Variants in TEX10 observed in about 807,000 individuals in gnomAD.
TEX10 encodes the protein testis-expressed protein 10.
In TEX10, 24 loss-of-function variants were observed where a neutral mutation model predicts 104.4. The ratio of observed to expected loss-of-function variants is 0.23; its 90% CI spans 0.17 to 0.32. TEX10 has a LOEUF of 0.32. Among genes scored for constraint, TEX10 ranks in the 10% least tolerant of loss-of-function variants. TEX10 has a pLI of 1.00. For missense variants in TEX10, 921 were observed against 1,083.9 expected, an observed-to-expected ratio of 0.85 and a Z score of 2.11; for synonymous variants, 396 against 393.4, an observed-to-expected ratio of 1.01 and a Z score of -0.08.
chr9:100,330,794 G>A (rs943058937), intron 5 of TEX10, among the ~76,000 whole-genome samples: 1 of 152,216 alleles, frequency 6.6e-6, no homozygotes, highest in African/African-American at 2.4e-5. Flanking sequence ...ATATTCAACA[G>A]CAGAGCTTAT....
At chr9:100,352,750 C>CCGACGGG (rs1301491359) in intron 1 of TEX10, 22 bp downstream of exon 1, 1 of 1,164,320 alleles carries the variant, frequency 8.6e-7, no homozygotes, top group Non-Finnish European at 1.1e-6. Context: ...AGGACCCGGC[C>CCGACGGG]CGACGGGCGA....
intron 11 of TEX10, among the ~76,000 whole-genome samples, chr9:100,319,542 C>T (rs1834511163): frequency 6.6e-6 from 1 of 152,104 alleles, no homozygotes. Flanking sequence ...TGGTGGCTCA[C>T]GCCTGTAATC....
At position 100,310,358 on chromosome 9, in the gene TEX10, C is replaced by T; in HGVS notation, c.2224G>A (p.Val742Ile). The T allele has an allele frequency of 6.2e-7, 1 of 1,613,962 alleles. No individual in the cohort carries two copies. Among genetic ancestry groups the T allele is most frequent in the Non-Finnish European group, 8.5e-7 (1 of 1,179,966 alleles). Residue 742 changes from valine to isoleucine, a missense_variant, in exon 12 of 15, where the codon GTT becomes ATT. By Grantham distance (29) the Val-to-Ile change is conservative. This residue lies in a region of TEX10 where 753 missense variants were observed against 868.4 expected (regional missense o/e 0.87). Transcript: ENST00000374902. Reference sequence around the variant, plus strand: ...AAGTTCTGACTTCGGGCAGGAATAACCAATAAACTGTGAAAAACTGCCTGT... The same window carrying T: ...AAGTTCTGACTTCGGGCAGGAATAATCAATAAACTGTGAAAAACTGCCTGT... ...VTEAVFHSLL[V>I]IPARSQNFDI...
intron 5 of TEX10, among the ~76,000 whole-genome samples, chr9:100,339,807 T>C (rs1835126965): frequency 6.6e-6 from 1 of 152,026 alleles, no homozygotes; most frequent in Non-Finnish European, 1.5e-5. Flanking sequence ...TTCTAATCAA[T>C]TACCTTTTAT....
At chr9:100,321,829 AAG>A in intron 9 of TEX10, 58 bp from the exon 10 acceptor site, 5 of 1,293,118 alleles carry the variant, frequency 3.9e-6, no homozygotes, top group Non-Finnish European at 4.5e-6. Flanking sequence ...AGACTTGTCA[AAG>A]GTAGCACAGT....
rs1436829457 is a variant in TEX10, at chr9:100,340,346, G to A, written c.1161C>T (p.Tyr387=). Residue 387 remains tyrosine, a synonymous_variant, in exon 5 of 15, where the codon TAC becomes TAT. Transcript: ENST00000374902. ...TAAAATGGTGTTTAAAATCAATAAG[G>A]TAGTTCTTTCGAAGCCATGACTCCT... ...HKLESWLRKN[Y]LIDFKHHFMS... 1 of 1,561,812 alleles carries A rather than the reference G, an allele frequency of 6.4e-7. No individual in the cohort carries two copies. Among genetic ancestry groups the A allele is most frequent in the Admixed American group, 2.1e-5 (1 of 47,430 alleles).
At position 100,303,637 on chromosome 9, in the gene TEX10, T is replaced by C. The variant is rs754690010; in HGVS notation, c.2671A>G (p.Ile891Val). Residue 891 changes from isoleucine (I) to valine (V), a missense_variant, in exon 14 of 15, where the codon ATC becomes GTC. Transcript: ENST00000374902. ...TCCGGTACCATGCTTCTTACCGTGATATTCTTGATGATCTGCTGCACCAAG... is the reference window on the plus strand; with the variant it reads ...TCCGGTACCATGCTTCTTACCGTGACATTCTTGATGATCTGCTGCACCAAG... ...AILVQQIIKN[I>V]TTLKSGSVQE... is the part of the protein sequence containing the mutation. 4 of 1,614,052 alleles carry C rather than the reference T, an allele frequency of 2.5e-6. No individual in the cohort carries two copies. The highest frequency in any genetic ancestry group is 1.1e-5 in the South Asian group (1 of 91,064).
At position 100,342,183 on chromosome 9, in the gene TEX10, T is replaced by A. The variant is rs533312481; in HGVS notation, c.1138-1814A>T. Among the ~76,000 whole-genome samples the A allele has an allele frequency of 2.0e-5, 3 of 152,356 alleles. No individual in the cohort carries two copies. The South Asian group carries it at 6.2e-4, about 32-fold the overall frequency. On this transcript the variant is annotated intron_variant, in intron 4 of 14. Coordinates refer to ENST00000374902, the MANE Select transcript of TEX10 (RefSeq NM_017746.4). ...TCCCACAGATGTTGACAAGACTTGC[T>A]CCTTCACTTCAATGACATTCAGATA...
At chr9:100,330,746 A>C (rs1292394174) in intron 5 of TEX10, among the ~76,000 whole-genome samples, 1 of 152,220 alleles carries the variant, frequency 6.6e-6, no homozygotes, top group Non-Finnish European at 1.5e-5. Context: ...ATAAAAACAA[A>C]ATTTGCAACT....
intron 5 of TEX10, among the ~76,000 whole-genome samples, chr9:100,334,861 C>T (rs1301825189): frequency 6.6e-6 from 1 of 152,078 alleles, no homozygotes. Flanking sequence ...GACAGGGTTT[C>T]GCCACGTTGG....
At chr9:100,312,830 C>G (rs751503094) in intron 11 of TEX10, among the ~76,000 whole-genome samples, 4 of 152,038 alleles carry the variant, frequency 2.6e-5, no homozygotes, top group Non-Finnish European at 5.9e-5. Context: ...ATTTCAAGAC[C>G]TATAAGTAAA....
At chr9:100,331,737 G>C (rs1834867068) in intron 5 of TEX10, among the ~76,000 whole-genome samples, 1 of 152,206 alleles carries the variant, frequency 6.6e-6, no homozygotes, top group Non-Finnish European at 1.5e-5. Context: ...GCTTCTTTCA[G>C]AGACATGATT....
chr9:100,320,431 A>C, intron 10 of TEX10, 33 bp from the exon 11 acceptor site: 1 of 1,543,766 alleles, frequency 6.5e-7, no homozygotes, highest in Non-Finnish European at 8.7e-7. Context: ...CCAATTTAAA[A>C]AAACAAAAAA....
Position 100,346,728 on chromosome 9 carries a change from A to G in TEX10, c.859T>C (p.Ser287Pro), listed in dbSNP as rs756195061. Residue 287 changes from serine (S) to proline (P), a missense_variant, in exon 3 of 15, where the codon TCA becomes CCA. Ser to Pro is a moderately conservative substitution (Grantham distance 74). Transcript: ENST00000374902. ...QHIQVYENGG[S>P]QPNVSSQFRL... ...AACTGTGAACTGACATTTGGCTGTG[A>G]ACCCCCATTTTCATAAACCTGGATG... 1.9e-6 allele frequency: 3 copies of G among 1,613,722 alleles called. No homozygotes were observed. The highest frequency in any genetic ancestry group is 1.7e-5 in the Admixed American group (1 of 59,974).
chr9:100,315,080 C>T (rs895487782), intron 11 of TEX10, among the ~76,000 whole-genome samples: 2 of 152,116 alleles, frequency 1.3e-5, no homozygotes, highest in Non-Finnish European at 2.9e-5. Flanking sequence ...CCTCTTAGTA[C>T]TGATTTCTTA....
At position 100,317,518 on chromosome 9, in the gene TEX10, A is replaced by T. The variant is rs1261255386; in HGVS notation, c.2202+2747T>A. Among the ~76,000 whole-genome samples the T allele has an allele frequency of 6.6e-5, 10 of 152,168 alleles. No individual in the cohort carries two copies. The East Asian group carries it at 1.7e-3, about 26-fold the overall frequency. On this transcript the variant is annotated intron_variant, in intron 11 of 14. Coordinates refer to ENST00000374902, the MANE Select transcript of TEX10 (RefSeq NM_017746.4). ...ATGATTAAACACTTAAATGTAGGAC[A>T]TGAAACTATAAAAATAATAAGAATC...
At chr9:100,324,049 T>C (rs539200943) in intron 9 of TEX10, among the ~76,000 whole-genome samples, 4 of 152,142 alleles carry the variant, frequency 2.6e-5, no homozygotes, top group Non-Finnish European at 5.9e-5. Context: ...TCTTTTTTTT[T>C]AAAGATGGAG....
chr9:100,352,582 G>A lies in TEX10; in HGVS notation c.-10+190C>T, dbSNP rs1196536973. 2.6e-6 allele frequency: 4 copies of A among 1,517,396 alleles called. No homozygotes were observed. In the African/African-American group the frequency reaches 4.1e-5, roughly 16 times the overall value. 94.0% of individuals were successfully genotyped at this position (1,517,396 alleles called of 1,614,324 possible). ...CTGAAGCTCCGCAAACGCCCTAGGGGGTCCCGCCCCCGCAGTGCCGGCCGC... is the reference window on the plus strand; with the variant it reads ...CTGAAGCTCCGCAAACGCCCTAGGGAGTCCCGCCCCCGCAGTGCCGGCCGC... On this transcript the variant is annotated intron_variant, in intron 1 of 14. Transcript: ENST00000374902.
intron 7 of TEX10, among the ~76,000 whole-genome samples, chr9:100,328,279 T>C (rs1158257154): frequency 6.6e-6 from 1 of 152,198 alleles, no homozygotes. Flanking sequence ...TCACCATAAG[T>C]TGCTCCCATA....
Sources: allele counts gnomAD v4.1 joint callset (sites outside exome capture counted in the v4.1 genomes callset), GRCh38; gene constraint gnomAD v4.1.1; regional missense constraint gnomAD v4.1.1; transcripts MANE v1.5; gene names NCBI Gene and HGNC (gene_info 2026-07-23, HGNC 2026-07-21).